ELMO1: variants seen among roughly 807,000 people sequenced by gnomAD.
ELMO1 encodes engulfment and cell motility protein 1.
ELMO1 carries 26 observed loss-of-function variants against 98.9 expected under a neutral mutation model. The observed-to-expected ratio is 0.26, with a 90% CI of 0.19 to 0.36. The LOEUF is 0.36. Among genes scored for constraint, ELMO1 ranks in the 10% least tolerant of loss-of-function variants. The pLI is 1.00. For missense variants in ELMO1, 627 were observed against 935.2 expected (o/e 0.67, Z 4.30); for synonymous variants, 346 against 346.0 (o/e 1.00, Z 0.00).
chr7:36,993,749 G>A, intron 16 of ELMO1, among the ~76,000 whole-genome samples: 1 of 152,182 alleles, frequency 6.6e-6, no homozygotes, highest in East Asian at 1.9e-4. Flanking sequence ...GCCCTGAAGG[G>A]CAATAACCAA....
intron 13 of ELMO1, among the ~76,000 whole-genome samples, chr7:37,153,331 G>T (rs934194727): frequency 2.0e-5 from 3 of 152,180 alleles, no homozygotes; most frequent in African/African-American, 7.2e-5. Flanking sequence ...GCAGGGTGGG[G>T]CATCACCTCA....
intron 14 of ELMO1, among the ~76,000 whole-genome samples, chr7:37,098,475 C>G (rs1478268120): frequency 6.6e-6 from 1 of 152,120 alleles, no homozygotes; most frequent in Non-Finnish European, 1.5e-5. Flanking sequence ...GGAAGGTTCT[C>G]GGACTATTGA....
intron 13 of ELMO1, among the ~76,000 whole-genome samples, chr7:37,174,540 C>T (rs775836856): frequency 1.3e-5 from 2 of 152,152 alleles, no homozygotes; most frequent in Non-Finnish European, 2.9e-5. Context: ...CCATCTGTAT[C>T]GAGCGGGCTA....
rs1787050875 is a variant in ELMO1, at chr7:37,133,320, G to A, written c.1087-86C>T. On this transcript the variant is annotated intron_variant, in intron 13 of 21. Coordinates refer to ENST00000310758, the MANE Select transcript of ELMO1 (RefSeq NM_014800.11). ...AGATCTGATTTCCCTCCTCAAGAGT[G>A]AAGTGCTACAAGGTAAGGTCCAAAT... is the stretch of plus-strand genomic sequence containing the variant. 3 of 994,192 alleles carry A rather than the reference G, an allele frequency of 3.0e-6. No homozygotes were observed. In the African/African-American group the frequency reaches 4.8e-5, roughly 16 times the overall value. 61.6% of individuals were successfully genotyped at this position (994,192 alleles called of 1,614,324 possible).
intron 16 of ELMO1, among the ~76,000 whole-genome samples, chr7:36,962,676 G>A (rs568194339): frequency 6.6e-6 from 1 of 150,596 alleles, no homozygotes; most frequent in African/African-American, 2.4e-5. Context: ...CGGGGGTGGG[G>A]TGGGGGTGGG....
At chr7:37,424,943 C>G (rs748035967) in intron 1 of ELMO1, among the ~76,000 whole-genome samples, 1 of 151,852 alleles carries the variant, frequency 6.6e-6, no homozygotes, top group Non-Finnish European at 1.5e-5. Context: ...GCTTATTCAA[C>G]GAATATTTAT....
At chr7:37,279,100 G>A (rs1258170150) in intron 4 of ELMO1, among the ~76,000 whole-genome samples, 1 of 152,146 alleles carries the variant, frequency 6.6e-6, no homozygotes, top group South Asian at 2.1e-4. Flanking sequence ...TACTCAGGAG[G>A]CTGAGGCAGG....
chr7:36,887,177 A>G (rs1210811401), intron 18 of ELMO1, among the ~76,000 whole-genome samples: 1 of 152,218 alleles, frequency 6.6e-6, no homozygotes, highest in East Asian at 1.9e-4. Flanking sequence ...GGTTATGGTG[A>G]GGATAAAATG....
At chr7:37,240,297 C>G (rs1794696211) in intron 7 of ELMO1, among the ~76,000 whole-genome samples, 1 of 151,950 alleles carries the variant, frequency 6.6e-6, no homozygotes, top group Non-Finnish European at 1.5e-5. Flanking sequence ...CCTTGGCCTC[C>G]CCAAGTGCTA....
intron 16 of ELMO1, among the ~76,000 whole-genome samples, chr7:36,903,347 A>G (rs1237778704): frequency 2.6e-5 from 4 of 152,166 alleles, no homozygotes; most frequent in Non-Finnish European, 5.9e-5. Flanking sequence ...CTCCCATCAC[A>G]GTCCCATCAT....
intron 1 of ELMO1, among the ~76,000 whole-genome samples, chr7:37,347,907 T>G (rs148715213): frequency 1.3e-5 from 2 of 152,102 alleles, no homozygotes; most frequent in Non-Finnish European, 2.9e-5. Flanking sequence ...GAGGCATAAC[T>G]GAGAAGGAAA....
chr7:37,225,143 G>C (rs1391503826), intron 8 of ELMO1, 113 bp from the exon 9 acceptor site: 15 of 1,263,300 alleles, frequency 1.2e-5, no homozygotes, highest in Non-Finnish European at 1.5e-5. Context: ...CAGGCACTGA[G>C]GATGACCTGG....
At chr7:37,305,290 G>A (rs2030792162) in intron 4 of ELMO1, among the ~76,000 whole-genome samples, 1 of 152,204 alleles carries the variant, frequency 6.6e-6, no homozygotes, top group African/African-American at 2.4e-5. Flanking sequence ...TTGCTATAAT[G>A]AGAACAAAAG....
At chr7:36,937,397 C>G (rs1470813012) in intron 16 of ELMO1, among the ~76,000 whole-genome samples, 1 of 152,178 alleles carries the variant, frequency 6.6e-6, no homozygotes, top group East Asian at 1.9e-4. Context: ...TCAACAGAAA[C>G]CTGTGAAAGG....
Position 36,898,354 on chromosome 7 carries a change from C to T in ELMO1, c.1438-3337G>A, listed in dbSNP as rs374747444. On this transcript the variant is annotated intron_variant, in intron 16 of 21. Transcript: ENST00000310758. ...TTAAACACAGACATCAAAGAAAGCA[C>T]GCTCTTAGAATCTGCATTTGTTGTT... 3.9e-5 allele frequency among the ~76,000 whole-genome samples: 6 copies of T among 152,310 alleles called. No homozygotes were observed. The East Asian group carries it at 7.7e-4, about 20-fold the overall frequency.
chr7:37,005,120 A>AAAAG (rs1792966337), intron 16 of ELMO1, among the ~76,000 whole-genome samples: 2 of 150,146 alleles, frequency 1.3e-5, no homozygotes, highest in East Asian at 1.9e-4. Context: ...AAAAAAAAAA[A>AAAAG]AAAAAAAAAA....
At chr7:36,918,565 T>C (rs1307458507) in intron 16 of ELMO1, among the ~76,000 whole-genome samples, 2 of 152,124 alleles carry the variant, frequency 1.3e-5, no homozygotes, top group Non-Finnish European at 2.9e-5. Flanking sequence ...ACAATGTGTA[T>C]CATCATCTCT....
In ELMO1 at chr7:36,927,967, A is replaced by G. The variant is rs369298661; in HGVS notation, c.1438-32950T>C. Among the ~76,000 whole-genome samples, 41 of 152,368 alleles carry G rather than the reference A, an allele frequency of 2.7e-4. 1 individual carries two copies. The East Asian group carries it at 6.2e-3, about 23-fold the overall frequency. On this transcript the variant is annotated intron_variant, in intron 16 of 21. Transcript: ENST00000310758. ...GAAGCCAGCCTTGGATTTAATCTTA[A>G]TAACTCATGCCAGTCAATCTCTGAT...
chr7:37,321,022 C>A (rs1333049054), intron 2 of ELMO1, among the ~76,000 whole-genome samples: 1 of 152,164 alleles, frequency 6.6e-6, no homozygotes, highest in Admixed American at 6.5e-5. Context: ...TGAACACCAG[C>A]TGGTAAAGAA....
Sources: allele counts gnomAD v4.1 joint callset (sites outside exome capture counted in the v4.1 genomes callset), GRCh38; gene constraint gnomAD v4.1.1; transcripts MANE v1.5; gene names NCBI Gene and HGNC (gene_info 2026-07-23, HGNC 2026-07-21).